FAM107B: variants seen among roughly 807,000 people sequenced by gnomAD.
FAM107B encodes the protein protein FAM107B.
Under a neutral mutation model 31.5 loss-of-function variants are expected in FAM107B, and 21 were observed. The observed-to-expected ratio is 0.67, with a 90% CI of 0.47 to 0.96. The LOEUF (loss-of-function observed/expected upper bound fraction) is 0.96. Ranked by LOEUF, FAM107B falls within the 40% of genes least tolerant of loss-of-function variation. The pLI, the probability that FAM107B is intolerant of heterozygous loss-of-function variation, is 0.00. For synonymous variants in FAM107B, 157 were observed against 141.5 expected, an observed-to-expected ratio of 1.11 and a Z score of -0.78; for missense variants, 452 against 377.1, an observed-to-expected ratio of 1.20 and a Z score of -1.64.
chr10:14,529,048 T>C (rs1309971602), intron 3 of FAM107B, among the ~76,000 whole-genome samples: 1 of 152,180 alleles, frequency 6.6e-6, no homozygotes, highest in African/African-American at 2.4e-5. Context: ...CTGAAAATCT[T>C]TGAGTGACAA....
At chr10:14,668,426 T>C (rs1018655071) in intron 1 of FAM107B, among the ~76,000 whole-genome samples, 3 of 152,172 alleles carry the variant, frequency 2.0e-5, no homozygotes, top group African/African-American at 7.2e-5. Context: ...AGGAACTGAT[T>C]TCATGTACTT....
chr10:14,655,557 C>T (rs1169519738), intron 2 of FAM107B, among the ~76,000 whole-genome samples: 2 of 152,168 alleles, frequency 1.3e-5, no homozygotes, highest in Non-Finnish European at 2.9e-5. Flanking sequence ...GTAGCTGGCA[C>T]AAACGTTTTA....
intron 2 of FAM107B, among the ~76,000 whole-genome samples, chr10:14,632,758 G>A (rs1853399674): frequency 6.6e-6 from 1 of 152,038 alleles, no homozygotes; most frequent in Admixed American, 6.6e-5. Context: ...GAAAGGAAGG[G>A]AGAGACACGA....
chr10:14,685,147 T>TTA (rs1167522549), intron 1 of FAM107B, among the ~76,000 whole-genome samples: 12 of 146,666 alleles, frequency 8.2e-5, no homozygotes, highest in Admixed American at 2.1e-4. Context: ...CTTTTATTTT[T>TTA]TTTTTTTTTT....
At chr10:14,665,409 T>C (rs1258593124) in intron 2 of FAM107B, among the ~76,000 whole-genome samples, 2 of 152,228 alleles carry the variant, frequency 1.3e-5, no homozygotes, top group Non-Finnish European at 2.9e-5. Flanking sequence ...AGTCATCTCA[T>C]TTCTTAGCAA....
chr10:14,724,525 A>G (rs1855984778), intron 1 of FAM107B, among the ~76,000 whole-genome samples: 1 of 152,206 alleles, frequency 6.6e-6, no homozygotes, highest in Non-Finnish European at 1.5e-5. Context: ...CAGATAACCC[A>G]CATGGTCAAA....
rs80168513 is a variant in FAM107B, at chr10:14,571,111, C to T, written c.470-40596G>A. Among the ~76,000 whole-genome samples the T allele has an allele frequency of 4.9e-3, 750 of 152,224 alleles. 5 individuals are homozygous for T. The highest frequency in any genetic ancestry group is 0.01 in the Middle Eastern group (3 of 294). ...GAGGGCTCCCTTCCTGACTGGCACA[C>T]AGCCACCTTCTGGCTGTGTCCTCAC... On this transcript the variant is annotated intron_variant, in intron 2 of 4. Transcript: ENST00000181796.
At chr10:14,530,157 G>T (rs940907315) in intron 3 of FAM107B, 175 bp downstream of exon 3, 15 of 663,458 alleles carry the variant, frequency 2.3e-5, no homozygotes, top group African/African-American at 1.5e-4. Context: ...CACCTGCAGG[G>T]GATCTGCCTC....
intron 1 of FAM107B, among the ~76,000 whole-genome samples, chr10:14,770,220 A>G (rs528046932): frequency 1.3e-5 from 2 of 152,112 alleles, no homozygotes; most frequent in African/African-American, 4.8e-5. Context: ...CATAATAACT[A>G]CTGACTAAAA....
chr10:14,590,129 T>C (rs1325000191), intron 2 of FAM107B, among the ~76,000 whole-genome samples: 1 of 152,248 alleles, frequency 6.6e-6, no homozygotes, highest in African/African-American at 2.4e-5. Context: ...CATCTAAGCG[T>C]TGGTTTATTC....
intron 1 of FAM107B, among the ~76,000 whole-genome samples, chr10:14,737,762 C>T (rs566267917): frequency 6.1e-5 from 8 of 130,154 alleles, no homozygotes; most frequent in East Asian, 4.4e-4. Flanking sequence ...TGTGCGTGCA[C>T]GCTTTCTCTC....
chr10:14,768,704 G>T lies in FAM107B; in HGVS notation c.411+5549C>A, dbSNP rs149332253. ...TATGTGTATTTTATCACAATAAAATGAATCACTCTCCTTCCTCTAAGTCCA... is the reference window on the plus strand; with the variant it reads ...TATGTGTATTTTATCACAATAAAATTAATCACTCTCCTTCCTCTAAGTCCA... On this transcript the variant is annotated intron_variant, in intron 1 of 4. Transcript: ENST00000181796. 1.8e-3 allele frequency among the ~76,000 whole-genome samples: 275 copies of T among 152,294 alleles called. 2 individuals are homozygous for T. The highest frequency in any genetic ancestry group is 6.8e-3 in the Middle Eastern group (2 of 294).
chr10:14,552,214 C>T (rs1849325230), intron 2 of FAM107B, among the ~76,000 whole-genome samples: 1 of 151,956 alleles, frequency 6.6e-6, no homozygotes, highest in Non-Finnish European at 1.5e-5. Flanking sequence ...GTGGGAACCA[C>T]AGAAGGAAGG....
At chr10:14,602,955 G>A (rs1018753554) in intron 2 of FAM107B, 2 of 151,632 alleles carry the variant, frequency 1.3e-5, no homozygotes, top group African/African-American at 4.9e-5. Context: ...TTAGGCTGAT[G>A]TGGCTGGTCA....
At chr10:14,698,541 C>G (rs1855321567) in intron 1 of FAM107B, among the ~76,000 whole-genome samples, 1 of 152,158 alleles carries the variant, frequency 6.6e-6, no homozygotes. Context: ...TGTATATTAT[C>G]TCATGTGAGC....
rs1564621045 is a variant in FAM107B, at chr10:14,671,892, AC to A, written c.412-4202del. The stretch of plus-strand genomic sequence containing the variant: ...TTATTTAAAAAAAAAAAACAAAAAA[AC>A]AAAAAAAAAACCCTCTATTTCTTTT... On this transcript the variant is annotated intron_variant, in intron 1 of 4. Transcript: ENST00000181796. Among the ~76,000 whole-genome samples, 933 of 147,484 alleles carry A rather than the reference AC, an allele frequency of 6.3e-3. 28 individuals are homozygous for A. Among genetic ancestry groups the A allele is most frequent in the African/African-American group, 0.019 (757 of 39,862 alleles).
At chr10:14,604,142 C>T (rs1345907503) in intron 2 of FAM107B, 36 of 834,398 alleles carry the variant, frequency 4.3e-5, no homozygotes, top group Non-Finnish European at 5.0e-5. Flanking sequence ...CGCCCGCCCG[C>T]CGAGAGGGTC....
rs150355913 is a variant in FAM107B, at chr10:14,722,434, T to C, written c.411+51819A>G. Among the ~76,000 whole-genome samples the C allele has an allele frequency of 1.7e-3, 258 of 152,354 alleles. 2 individuals are homozygous for C. The highest frequency in any genetic ancestry group is 5.6e-3 in the African/African-American group (232 of 41,584). On this transcript the variant is annotated intron_variant, in intron 1 of 4. Transcript: ENST00000181796. ...AGATATATTCCATGCTGCTTTTCCA[T>C]ATATCAGTTGATGGCTATTGGGTTG...
rs3035297 is a variant in FAM107B at position 14,663,887 on chromosome 10, CAAAAAA to C, written c.469+3741_469+3746del. On this transcript the variant is annotated intron_variant, in intron 2 of 4. Transcript: ENST00000181796. ...GATGCCCAAGAATTAGATCATCAGCCAAAAAAAAAAAAAAAAAAAAAAAAAATGGGC... is the reference window on the plus strand; with the variant it reads ...GATGCCCAAGAATTAGATCATCAGCCAAAAAAAAAAAAAAAAAAAATGGGC... Among the ~76,000 whole-genome samples the C allele has an allele frequency of 6.2e-3, 499 of 80,366 alleles. 5 individuals are homozygous for C. The East Asian group carries it at 0.07, about 11-fold the overall frequency. The allele number at this position is 80,366 out of a possible 152,430, so 52.7% of individuals were successfully genotyped here.
Sources: allele counts gnomAD v4.1 joint callset (sites outside exome capture counted in the v4.1 genomes callset), GRCh38; gene constraint gnomAD v4.1.1; transcripts MANE v1.5; gene names NCBI Gene and HGNC (gene_info 2026-07-23, HGNC 2026-07-21).